Variants in GPC6 observed in about 807,000 individuals in gnomAD.
GPC6 encodes the protein glypican-6.
A neutral mutation model predicts 55.2 loss-of-function variants in GPC6; 14 were observed. The ratio of observed to expected loss-of-function variants is 0.25; its 90% CI spans 0.17 to 0.40. GPC6 has a LOEUF of 0.40. Ranked by LOEUF, GPC6 falls within the 10% of genes least tolerant of loss-of-function variation. The probability of loss-of-function intolerance (pLI) is 1.00; values close to 1 mark genes in which losing one functional copy is unlikely to be tolerated. For synonymous variants in GPC6, 278 were observed against 259.6 expected, an observed-to-expected ratio of 1.07 and a Z score of -0.68; for missense variants, 641 against 708.5, an observed-to-expected ratio of 0.90 and a Z score of 1.08.
chr13:93,357,658 A>G (rs1880897492), intron 1 of GPC6, among the ~76,000 whole-genome samples: 1 of 151,874 alleles, frequency 6.6e-6, no homozygotes, highest in African/African-American at 2.4e-5. Context: ...GAGCAACATG[A>G]CAAAGACCCC....
intron 4 of GPC6, among the ~76,000 whole-genome samples, chr13:94,212,808 T>C (rs947223940): frequency 6.6e-6 from 1 of 152,192 alleles, no homozygotes; most frequent in Non-Finnish European, 1.5e-5. Flanking sequence ...TATCATTATC[T>C]CCATTTTAGA....
chr13:93,763,555 ATAAAG>A (rs1460902100), intron 2 of GPC6, among the ~76,000 whole-genome samples: 3 of 152,216 alleles, frequency 2.0e-5, no homozygotes, highest in Non-Finnish European at 4.4e-5. Context: ...TTCTCAAGAA[ATAAAG>A]TAATCTATGT....
At chr13:94,032,411 T>C (rs1196519525) in intron 4 of GPC6, among the ~76,000 whole-genome samples, 1 of 152,122 alleles carries the variant, frequency 6.6e-6, no homozygotes, top group Non-Finnish European at 1.5e-5. Context: ...GCAAATAAGA[T>C]TGTATTGAAT....
intron 3 of GPC6, among the ~76,000 whole-genome samples, chr13:93,895,242 A>ATATG (rs1875939213): frequency 1.8e-5 from 1 of 54,390 alleles, no homozygotes; most frequent in Non-Finnish European, 3.7e-5. Flanking sequence ...GTGTATATAT[A>ATATG]TATATATATA....
chr13:94,011,296 G>A (rs1882236108), intron 3 of GPC6, among the ~76,000 whole-genome samples: 1 of 151,938 alleles, frequency 6.6e-6, no homozygotes, highest in Non-Finnish European at 1.5e-5. Context: ...AAATAAAACT[G>A]GTGTCATCCT....
intron 2 of GPC6, among the ~76,000 whole-genome samples, chr13:93,683,195 A>G (rs1029707349): frequency 1.3e-5 from 2 of 152,098 alleles, no homozygotes; most frequent in Non-Finnish European, 2.9e-5. Context: ...TAAAAAAGAT[A>G]TTTAGCTTTG....
chr13:93,552,192 G>A (rs1875195890), intron 2 of GPC6, among the ~76,000 whole-genome samples: 1 of 152,184 alleles, frequency 6.6e-6, no homozygotes, highest in Non-Finnish European at 1.5e-5. Context: ...TTAGAAATTA[G>A]AGAAGCAGTC....
intron 1 of GPC6, among the ~76,000 whole-genome samples, chr13:93,256,054 T>G (rs1188536263): frequency 6.6e-6 from 1 of 150,580 alleles, no homozygotes; most frequent in Non-Finnish European, 1.5e-5. Context: ...GTATAAGAAA[T>G]GAGAATTGCT....
At chr13:94,187,306 G>T (rs1230562791) in intron 4 of GPC6, 1 of 152,082 alleles carries the variant, frequency 6.6e-6, no homozygotes, top group Non-Finnish European at 1.5e-5. Flanking sequence ...TTCCAAATTT[G>T]ACTGGCTCCA....
chr13:93,983,664 G>T (rs948950929), intron 3 of GPC6, among the ~76,000 whole-genome samples: 7 of 151,894 alleles, frequency 4.6e-5, no homozygotes, highest in African/African-American at 1.7e-4. Context: ...ACGATATACA[G>T]TTGTTAAACA....
intron 1 of GPC6, among the ~76,000 whole-genome samples, chr13:93,387,271 C>T (rs1181309095): frequency 2.6e-5 from 4 of 151,970 alleles, no homozygotes; most frequent in African/African-American, 9.7e-5. Context: ...ACCCGTCATC[C>T]AGGTTTTAAG....
chr13:94,256,016 T>C (rs1337774800), intron 4 of GPC6, among the ~76,000 whole-genome samples: 1 of 152,074 alleles, frequency 6.6e-6, no homozygotes. Context: ...AACTGACTGA[T>C]ATATGCATAT....
At chr13:93,909,389 CAT>C (rs1876843812) in intron 3 of GPC6, among the ~76,000 whole-genome samples, 1 of 151,764 alleles carries the variant, frequency 6.6e-6, no homozygotes, top group Non-Finnish European at 1.5e-5. Flanking sequence ...ATAAGAAAAA[CAT>C]AAAGAAGAAC....
At chr13:93,732,384 A>G (rs560416300) in intron 2 of GPC6, among the ~76,000 whole-genome samples, 161 of 152,284 alleles carry the variant, frequency 1.1e-3, no homozygotes, top group Non-Finnish European at 2.1e-3. Context: ...AATATAAGAC[A>G]GATGATTTTG....
At chr13:94,239,561 A>G (rs1403584110) in intron 4 of GPC6, among the ~76,000 whole-genome samples, 1 of 152,130 alleles carries the variant, frequency 6.6e-6, no homozygotes, top group East Asian at 1.9e-4. Context: ...CTCATTTTAG[A>G]TACATTTTAG....
intron 4 of GPC6, among the ~76,000 whole-genome samples, chr13:94,282,936 A>C (rs1014454389): frequency 6.6e-6 from 1 of 152,376 alleles, no homozygotes; most frequent in African/African-American, 2.4e-5. Context: ...AGTGTCGAAG[A>C]TATTGCAGTC....
chr13:93,891,211 A>G (rs778591673), intron 3 of GPC6, among the ~76,000 whole-genome samples: 45 of 152,304 alleles, frequency 3.0e-4, no homozygotes, highest in Non-Finnish European at 6.2e-4. Context: ...TTTTCAAAGT[A>G]TACCTAAAAA....
chr13:93,827,680 AC>A (rs1405527030), intron 2 of GPC6, among the ~76,000 whole-genome samples: 1 of 152,230 alleles, frequency 6.6e-6, no homozygotes, highest in Non-Finnish European at 1.5e-5. Context: ...ATACTCTTAG[AC>A]AACAATGTAA....
At chr13:94,002,022 C>G (rs755463946) in intron 3 of GPC6, among the ~76,000 whole-genome samples, 1 of 151,864 alleles carries the variant, frequency 6.6e-6, no homozygotes, top group Non-Finnish European at 1.5e-5. Flanking sequence ...ATGCTCCTAC[C>G]CTCACATAGA....
Sources: allele counts gnomAD v4.1 joint callset (sites outside exome capture counted in the v4.1 genomes callset), GRCh38; gene constraint gnomAD v4.1.1; transcripts MANE v1.5; gene names NCBI Gene and HGNC (gene_info 2026-07-23, HGNC 2026-07-21).